Variants in TLE4 observed in about 807,000 individuals in gnomAD.
TLE4 encodes transducin-like enhancer protein 4.
Under a neutral mutation model 92.8 loss-of-function variants are expected in TLE4, and 8 were observed. That is an observed-to-expected ratio of 0.09 (90% confidence interval 0.05 to 0.16). The LOEUF (loss-of-function observed/expected upper bound fraction) is 0.16. Ranked by LOEUF, TLE4 falls within the 10% of genes least tolerant of loss-of-function variation. The pLI, the probability that TLE4 is intolerant of heterozygous loss-of-function variation, is 1.00. For synonymous variants in TLE4, 371 were observed against 374.1 expected (o/e 0.99, Z 0.10); for missense variants, 675 against 997.6 (o/e 0.68, Z 4.36).
At chr9:79,608,908 G>T (rs2047719554) in intron 4 of TLE4, among the ~76,000 whole-genome samples, 1 of 151,958 alleles carries the variant, frequency 6.6e-6, no homozygotes, top group East Asian at 1.9e-4. Flanking sequence ...AGGCTGAAAT[G>T]ATCTAAATAA....
In TLE4 at chr9:79,686,950, C is replaced by A. The variant is rs992672195; in HGVS notation, c.610-17833C>A. Among the ~76,000 whole-genome samples, 3 of 152,186 alleles carry A rather than the reference C, an allele frequency of 2.0e-5. No homozygotes were observed. In the East Asian group the frequency reaches 5.8e-4, roughly 29 times the overall value. ...ACGTTTAATAAGCCCCAGAACTGTA[C>A]ATGTTAAAAGCTTTTAAAATTTTGT... On this transcript the variant is annotated intron_variant, in intron 8 of 19. Transcript: ENST00000376552.
chr9:79,626,214 A>G (rs952806901), intron 5 of TLE4, among the ~76,000 whole-genome samples: 1 of 152,186 alleles, frequency 6.6e-6, no homozygotes, highest in Admixed American at 6.5e-5. Flanking sequence ...CTCAGTAACT[A>G]TATTTGAGGA....
rs117838984 is a variant in TLE4 at position 79,578,169 on chromosome 9, C to G, written c.252+1992C>G. ...AGACAGCCTTAGTTCCTCTTAGCCT[C>G]TCTTCCAGATGTACTCGCTGGATAC... On this transcript the variant is annotated intron_variant, in intron 4 of 19. Coordinates refer to ENST00000376552, the MANE Select transcript of TLE4 (RefSeq NM_007005.6). Among the ~76,000 whole-genome samples the G allele has an allele frequency of 5.1e-3, 777 of 152,280 alleles. 4 individuals are homozygous for G. The highest frequency in any genetic ancestry group is 0.01 in the Middle Eastern group (3 of 294).
intron 8 of TLE4, among the ~76,000 whole-genome samples, chr9:79,666,747 G>T (rs938492311): frequency 1.3e-5 from 2 of 152,166 alleles, no homozygotes; most frequent in Non-Finnish European, 2.9e-5. Flanking sequence ...AAAAAATGCT[G>T]CTTGTTTTCT....
chr9:79,623,148 G>T (rs970371311), intron 5 of TLE4, among the ~76,000 whole-genome samples: 7 of 151,808 alleles, frequency 4.6e-5, no homozygotes. Context: ...TCAGCATTTT[G>T]TCTTTTTGTC....
chr9:79,704,504 C>G, intron 8 of TLE4: 1 of 431,162 alleles, frequency 2.3e-6, no homozygotes, highest in Non-Finnish European at 4.1e-6. Flanking sequence ...TTCCTGCCAC[C>G]CTTTTTATTT....
At chr9:79,621,112 A>C (rs2050854704) in intron 5 of TLE4, among the ~76,000 whole-genome samples, 1 of 152,228 alleles carries the variant, frequency 6.6e-6, no homozygotes, top group South Asian at 2.1e-4. Context: ...TGAATACTGT[A>C]TAGGAAAGGC....
intron 2 of TLE4, among the ~76,000 whole-genome samples, chr9:79,574,596 G>A (rs2037116459): frequency 6.6e-6 from 1 of 151,934 alleles, no homozygotes; most frequent in Non-Finnish European, 1.5e-5. Context: ...AATTCTGGAG[G>A]AAGTTCCTGA....
intron 6 of TLE4, among the ~76,000 whole-genome samples, chr9:79,633,707 G>T (rs200936619): frequency 2.0e-5 from 3 of 152,162 alleles, no homozygotes; most frequent in Non-Finnish European, 4.4e-5. Context: ...TTTTGGTTTT[G>T]TGTCACTTTT....
intron 8 of TLE4, among the ~76,000 whole-genome samples, chr9:79,656,673 T>C (rs919861349): frequency 1.3e-5 from 2 of 152,220 alleles, no homozygotes; most frequent in African/African-American, 4.8e-5. Flanking sequence ...CATTTTGATA[T>C]GGTAGCAAAA....
At chr9:79,672,925 G>A (rs1022513215) in intron 8 of TLE4, among the ~76,000 whole-genome samples, 3 of 152,190 alleles carry the variant, frequency 2.0e-5, no homozygotes, top group Non-Finnish European at 2.9e-5. Context: ...ACAAGTGCAA[G>A]TGAGGGCAGG....
intron 5 of TLE4, among the ~76,000 whole-genome samples, chr9:79,623,627 T>G (rs1163887274): frequency 6.6e-6 from 1 of 151,694 alleles, no homozygotes; most frequent in Admixed American, 6.6e-5. Context: ...TAAAATTCCC[T>G]AGTTTTAAGT....
intron 8 of TLE4, among the ~76,000 whole-genome samples, chr9:79,686,895 G>T (rs1205913605): frequency 5.3e-5 from 8 of 152,198 alleles, no homozygotes; most frequent in Admixed American, 3.9e-4. Flanking sequence ...TGAAGTACTT[G>T]CTGTATGATG....
chr9:79,648,309 T>C (rs775003527), intron 6 of TLE4, among the ~76,000 whole-genome samples: 6 of 152,144 alleles, frequency 3.9e-5, no homozygotes, highest in Non-Finnish European at 7.4e-5. Flanking sequence ...ACTGGTCTCT[T>C]CTCTCCAAAG....
intron 8 of TLE4, among the ~76,000 whole-genome samples, chr9:79,676,940 C>A (rs568165157): frequency 6.6e-6 from 1 of 152,208 alleles, no homozygotes; most frequent in African/African-American, 2.4e-5. Context: ...ATTTTAATTT[C>A]TTTCATGTGT....
chr9:79,644,056 A>G (rs576552079), intron 6 of TLE4, among the ~76,000 whole-genome samples: 6 of 152,168 alleles, frequency 3.9e-5, no homozygotes, highest in African/African-American at 1.4e-4. Flanking sequence ...CCCCACCCAA[A>G]TCTCATCTTG....
At chr9:79,701,427 A>G (rs1055429674) in intron 8 of TLE4, among the ~76,000 whole-genome samples, 59 of 152,244 alleles carry the variant, frequency 3.9e-4, no homozygotes, top group Admixed American at 3.9e-3. Context: ...CTAAATCTAA[A>G]TAGGCATTAC....
At chr9:79,686,633 CG>C (rs2065916474) in intron 8 of TLE4, among the ~76,000 whole-genome samples, 1 of 152,102 alleles carries the variant, frequency 6.6e-6, no homozygotes, top group Non-Finnish European at 1.5e-5. Context: ...TGCCACAAAC[CG>C]AAGAATGCCA....
chr9:79,718,221 A>G (rs766884101), intron 14 of TLE4: 2 of 380,026 alleles, frequency 5.3e-6, no homozygotes, highest in Admixed American at 7.0e-5. Context: ...GTCTAAGCCT[A>G]GAGGCTCTTA....
Sources: allele counts gnomAD v4.1 joint callset (sites outside exome capture counted in the v4.1 genomes callset), GRCh38; gene constraint gnomAD v4.1.1; transcripts MANE v1.5; gene names NCBI Gene and HGNC (gene_info 2026-07-23, HGNC 2026-07-21).